The following YLPM1 variants were observed in gnomAD, a reference collection of about 807,000 sequenced individuals.
YLPM1 encodes the protein YLP motif-containing protein 1.
Under a neutral mutation model 230.0 loss-of-function variants are expected in YLPM1, and 99 were observed. The ratio of observed to expected loss-of-function variants is 0.43; its 90% CI spans 0.37 to 0.51. The LOEUF (loss-of-function observed/expected upper bound fraction) is 0.51. Among genes scored for constraint, YLPM1 ranks in the 20% least tolerant of loss-of-function variants. The probability of loss-of-function intolerance (pLI) is 0.00; values close to 1 mark genes in which losing one functional copy is unlikely to be tolerated. For missense variants in YLPM1, 2,592 were observed against 2,707.7 expected (o/e 0.96, Z 0.95); for synonymous variants, 984 against 942.5 (o/e 1.04, Z -0.81).
chr14:74,794,304 C>T (rs774114720), intron 4 of YLPM1, among the ~76,000 whole-genome samples: 1 of 152,154 alleles, frequency 6.6e-6, no homozygotes, highest in Non-Finnish European at 1.5e-5. Flanking sequence ...CTACCTCTGC[C>T]TTCCGAGTAG....
Position 74,799,306 on chromosome 14 carries a change from C to T in YLPM1, c.4009C>T (p.Leu1337Phe). 6.2e-7 allele frequency: 1 copy of T among 1,613,976 alleles called. No individual in the cohort carries two copies. The highest frequency in any genetic ancestry group is 8.5e-7 in the Non-Finnish European group (1 of 1,179,880). Residue 1337 changes from leucine (L) to phenylalanine (F), a missense_variant, in exon 5 of 21, where the codon CTC becomes TTC. Leu to Phe is a conservative substitution (Grantham distance 22). Coordinates refer to ENST00000325680, the MANE Select transcript of YLPM1 (RefSeq NM_019589.3). ...TCCATCTCTTCCACCTTTACCGCCC[C>T]TCCCACCTCTTCCACCTTTGGATAG... ...DIPSLPPLPP[L>F]PPLPPLDRYR...
chr14:74,827,581 C>T (rs2140143821), intron 18 of YLPM1: 1 of 985,410 alleles, frequency 1.0e-6, no homozygotes, highest in African/African-American at 1.7e-5. Context: ...CACTGCCCTT[C>T]TGTATTGCTG....
rs141755973 is a variant in YLPM1 at position 74,789,794 on chromosome 14, C to T, written c.2282+7469C>T. Among the ~76,000 whole-genome samples, 33 of 151,192 alleles carry T rather than the reference C, an allele frequency of 2.2e-4. No homozygotes were observed. The East Asian group carries it at 5.5e-3, about 25-fold the overall frequency. On this transcript the variant is annotated intron_variant, in intron 4 of 20. Transcript: ENST00000325680. ...AGATGTGTCCCACCATGCTTGGCTA[C>T]GTTATTTTTTGTAGAGATGGGATCT...
intron 1 of YLPM1, among the ~76,000 whole-genome samples, chr14:74,766,120 A>G (rs1029197144): frequency 1.8e-4 from 28 of 152,170 alleles, no homozygotes; most frequent in African/African-American, 6.8e-4. Context: ...GACAGGAATT[A>G]TCTTACTTAT....
chr14:74,778,740 A>G (rs2091066004), intron 2 of YLPM1, 57 bp downstream of exon 2: 3 of 1,442,214 alleles, frequency 2.1e-6, no homozygotes, highest in Non-Finnish European at 1.9e-6. Context: ...TTTCTGATTC[A>G]TTTAGTATAC....
intron 1 of YLPM1, among the ~76,000 whole-genome samples, chr14:74,771,359 G>A (rs1291147317): frequency 6.6e-6 from 1 of 152,188 alleles, no homozygotes. Context: ...AGTAAGAACT[G>A]AGGTTAAAGG....
intron 1 of YLPM1, among the ~76,000 whole-genome samples, chr14:74,773,131 A>G (rs2090995467): frequency 6.6e-6 from 1 of 152,168 alleles, no homozygotes; most frequent in African/African-American, 2.4e-5. Context: ...ACTAAAAAAT[A>G]TAAAAAATTA....
rs2091645632 is a variant in YLPM1 at position 74,836,618 on chromosome 14, T to G, written c.*880T>G. 3 of 152,638 alleles carry G rather than the reference T, an allele frequency of 2.0e-5. No homozygotes were observed. Among genetic ancestry groups the G allele is most frequent in the Admixed American group, 2.0e-4 (3 of 15,266 alleles). The allele number at this position is 152,638 out of a possible 1,614,324, so 9.5% of individuals were successfully genotyped here. On this transcript the variant is annotated 3_prime_UTR_variant, in exon 21 of 21. Transcript: ENST00000325680. ...TCTGGTAGACAGAACTGATGTATTCTGTGGAACTCAAGCTTGTTGCCTTCA... is the reference window on the plus strand; with the variant it reads ...TCTGGTAGACAGAACTGATGTATTCGGTGGAACTCAAGCTTGTTGCCTTCA...
chr14:74,766,887 T>C (rs1423784742), intron 1 of YLPM1, among the ~76,000 whole-genome samples: 5 of 149,062 alleles, frequency 3.4e-5, no homozygotes, highest in East Asian at 3.9e-4. Flanking sequence ...CCTTTTCTTT[T>C]TTTTTTTTTT....
In YLPM1 at chr14:74,799,169, A is replaced by G. The variant is rs749562515; in HGVS notation, c.3872A>G (p.Asp1291Gly). The G allele has an allele frequency of 1.2e-6, 2 of 1,613,954 alleles. No individual in the cohort carries two copies. The highest frequency in any genetic ancestry group is 1.7e-6 in the Non-Finnish European group (2 of 1,179,870). ...GAAAGGGACATGGACAGGGATGTGG[A>G]TCGGATTTCAAGACCTATGGATATG... ...EMERDMDRDV[D>G]RISRPMDMYD... The change falls in exon 5 of 21, where the codon GAT (aspartate) becomes GGT (glycine). Residue 1291 changes from aspartate to glycine, a missense_variant. Coordinates refer to ENST00000325680, the MANE Select transcript of YLPM1 (RefSeq NM_019589.3).
intron 6 of YLPM1, among the ~76,000 whole-genome samples, chr14:74,805,795 C>T (rs756004464): frequency 1.3e-5 from 2 of 150,538 alleles, no homozygotes; most frequent in African/African-American, 4.9e-5. Context: ...ATCCACCTCC[C>T]GGGTTCAAGT....
chr14:74,781,992 C>A lies in YLPM1; in HGVS notation c.1949C>A (p.Pro650Gln). 1 of 1,613,838 alleles carries A rather than the reference C, an allele frequency of 6.2e-7. No individual in the cohort carries two copies. Among genetic ancestry groups the A allele is most frequent in the Non-Finnish European group, 8.5e-7 (1 of 1,179,796 alleles). ...ATACCTCCTCAGTTAACAGCAGCCC[C>A]AGTTCCACCAGCCTCCAGTTCACAG... Reference protein sequence around the residue: ...QGIPPQLTAAPVPPASSSQSS... With the variant: ...QGIPPQLTAAQVPPASSSQSS... The change falls in exon 4 of 21, where the codon CCA becomes CAA. Residue 650 changes from proline (P) to glutamine (Q), a missense_variant. By Grantham distance (76) the Pro-to-Gln change is moderately conservative (BLOSUM62 -1). Coordinates refer to ENST00000325680, the MANE Select transcript of YLPM1 (RefSeq NM_019589.3).
chr14:74,832,316 A>C (rs1372039097), intron 19 of YLPM1, among the ~76,000 whole-genome samples: 1 of 152,200 alleles, frequency 6.6e-6, no homozygotes, highest in Admixed American at 6.5e-5. Flanking sequence ...CTTTGTACGA[A>C]GTCTATGAAT....
intron 2 of YLPM1, among the ~76,000 whole-genome samples, chr14:74,780,100 G>A (rs1194693979): frequency 6.6e-6 from 1 of 152,026 alleles, no homozygotes; most frequent in East Asian, 1.9e-4. Flanking sequence ...CATGGTGCCC[G>A]GCCTGGGACC....
rs566156881 is a variant in YLPM1 at position 74,835,108 on chromosome 14, A to G, written c.6295-157A>G. The stretch of plus-strand genomic sequence containing the variant: ...GAGAGTTTTCTCTTTGTGACTTAAA[A>G]TATATGGCTTTTCCCAGTTTTCCTG... On this transcript the variant is annotated intron_variant, in intron 19 of 20. Transcript: ENST00000325680. 3.3e-5 allele frequency: 30 copies of G among 919,852 alleles called. No homozygotes were observed. The African/African-American group carries it at 5.0e-4, about 15-fold the overall frequency. 57.0% of individuals were successfully genotyped at this position (919,852 alleles called of 1,614,324 possible).
At position 74,788,777 on chromosome 14, in the gene YLPM1, A is replaced by G. The variant is rs555491989; in HGVS notation, c.2282+6452A>G. On this transcript the variant is annotated intron_variant, in intron 4 of 20. Coordinates refer to ENST00000325680, the MANE Select transcript of YLPM1 (RefSeq NM_019589.3). Reference sequence around the variant, plus strand: ...AGGATCGCTTGAGCCTGGGAGGCCAAGGCAGCAGTGAGCTGTGCACTGCAC... The same window carrying G: ...AGGATCGCTTGAGCCTGGGAGGCCAGGGCAGCAGTGAGCTGTGCACTGCAC... Among the ~76,000 whole-genome samples, 27 of 152,304 alleles carry G rather than the reference A, an allele frequency of 1.8e-4. 1 individual carries two copies. The highest frequency in any genetic ancestry group is 1.6e-3 in the Admixed American group (24 of 15,302).
At chr14:74,764,496 G>A in intron 1 of YLPM1, 134 bp downstream of exon 1, 1 of 1,225,812 alleles carries the variant, frequency 8.2e-7, no homozygotes, top group Admixed American at 2.9e-5. Context: ...TTCCGTAAGA[G>A]TCAGAGGGCT....
intron 11 of YLPM1, among the ~76,000 whole-genome samples, chr14:74,813,028 T>C (rs138362525): frequency 0.01 from 1,565 of 152,300 alleles, 37 homozygotes; most frequent in African/African-American, 0.036. Context: ...GAGACCTCAA[T>C]TAATTGCGCG....
At chr14:74,824,828 T>C (rs10144023) in intron 18 of YLPM1, among the ~76,000 whole-genome samples, 72,183 of 151,786 alleles carry the variant, frequency 0.48, 17,582 homozygotes, top group Non-Finnish European at 0.54. Flanking sequence ...AAATTTTTCT[T>C]CAAATTGTTA....
Sources: gnomAD v4.1 joint callset for allele counts (sites outside exome capture counted in the v4.1 genomes callset) on GRCh38, gnomAD v4.1.1 for gene constraint, MANE v1.5 for transcripts, NCBI Gene and HGNC (gene_info 2026-07-23, HGNC 2026-07-21) for gene names.